MCF2L: variants seen among roughly 807,000 people sequenced by gnomAD.
MCF2L encodes the protein guanine nucleotide exchange factor DBS.
In MCF2L, 97 loss-of-function variants were observed where a neutral mutation model predicts 153.4. The ratio of observed to expected loss-of-function variants is 0.63; its 90% confidence interval spans 0.54 to 0.75. MCF2L has a LOEUF of 0.75. Among genes scored for constraint, MCF2L ranks in the 30% least tolerant of loss-of-function variants. MCF2L has a pLI of 0.00. For synonymous variants in MCF2L, 659 were observed against 632.2 expected (o/e 1.04, Z -0.64); for missense variants, 1,347 against 1,495.2 (o/e 0.90, Z 1.64).
At chr13:112,911,323 G>A (rs1472968980) in intron 2 of MCF2L, among the ~76,000 whole-genome samples, 4 of 152,224 alleles carry the variant, frequency 2.6e-5, no homozygotes, top group African/African-American at 4.8e-5. Context: ...GTCTACACAC[G>A]TAGCCTTGGG....
intron 1 of MCF2L, chr13:112,979,445 T>G (rs1594452970): frequency 7.1e-7 from 1 of 1,405,772 alleles, no homozygotes. Flanking sequence ...TCTGAGGAGG[T>G]GGCTCAGCCC....
intron 7 of MCF2L, 34 bp from the exon 8 acceptor site, chr13:113,066,012 G>C (rs771390520): frequency 1.9e-6 from 3 of 1,604,444 alleles, no homozygotes; most frequent in Non-Finnish European, 2.6e-6. Flanking sequence ...GTGCCTGGAC[G>C]GGGCCGGGAC....
At position 113,014,790 on chromosome 13, in the gene MCF2L, C is replaced by A. The variant is rs764620726; in HGVS notation, c.107C>A (p.Pro36Gln). The A allele has an allele frequency of 1.2e-6, 2 of 1,614,066 alleles. No individual in the cohort carries two copies. Among genetic ancestry groups the A allele is most frequent in the South Asian group, 2.2e-5 (2 of 91,076 alleles). ...TDEIMHQDIV[P>Q]LCAADIQDQL... ...GAAATCATGCACCAGGACATCGTCC[C>A]GCTCTGTGCTGCCGACATCCAGGAC... Residue 36 changes from proline to glutamine, a missense_variant, in exon 2 of 30, where the codon CCG (proline) becomes CAG (glutamine). By Grantham distance (76) the Pro-to-Gln change is moderately conservative (BLOSUM62 -1). Around this residue, in one of 3 missense-constraint regions of MCF2L, gnomAD observed 820 missense variants for 921.2 expected, o/e 0.89. Coordinates refer to ENST00000535094, the MANE Select transcript of MCF2L (RefSeq NM_001112732.3).
intron 3 of MCF2L, chr13:113,040,212 C>A (rs546230581): frequency 7.2e-5 from 11 of 152,296 alleles, no homozygotes; most frequent in African/African-American, 2.6e-4. Flanking sequence ...GGATGGGGCA[C>A]CCTGGACGGT....
At chr13:112,979,117 A>C (rs1305822610) in intron 1 of MCF2L, among the ~76,000 whole-genome samples, 1 of 152,224 alleles carries the variant, frequency 6.6e-6, no homozygotes, top group Admixed American at 6.5e-5. Context: ...TCGGCAGCAG[A>C]CGGGAGCCAC....
In MCF2L at chr13:113,096,838, C is replaced by T. The variant is rs2035712602; in HGVS notation, c.3357C>T (p.Pro1119=). ...GCTGCAGCGAGGGCGGCCAGGCCCC[C>T]TTCTCCGACCTGCAGGGGTAGCGCG... ...SSSCSEGGQA[P]FSDLQG Residue 1119 remains proline (P), a synonymous_variant, in exon 30 of 30, where the codon CCC becomes CCT. Transcript: ENST00000535094. 6.6e-7 allele frequency: 1 copy of T among 1,507,036 alleles called. No homozygotes were observed. 93.4% of individuals were successfully genotyped at this position (1,507,036 alleles called of 1,614,324 possible).
At position 112,945,566 on chromosome 13, in the gene MCF2L, A is replaced by G. The variant is rs150794745; in HGVS notation, c.169+43195A>G. Among the ~76,000 whole-genome samples, 7 of 152,356 alleles carry G rather than the reference A, an allele frequency of 4.6e-5. No individual in the cohort carries two copies. The East Asian group carries it at 1.3e-3, about 29-fold the overall frequency. On this transcript the variant is annotated intron_variant, in intron 2 of 29. Transcript: ENST00000375608. ...TTAAAGTAGTCACTGCTTTGCAGTGATGGCACCATTCTTCTGGGATGCCTT... is the reference window on the plus strand; with the variant it reads ...TTAAAGTAGTCACTGCTTTGCAGTGGTGGCACCATTCTTCTGGGATGCCTT...
At chr13:113,096,158 A>G in intron 27 of MCF2L, 1 of 596,162 alleles carries the variant, frequency 1.7e-6, no homozygotes, top group Non-Finnish European at 3.0e-6. Context: ...CTGGGCCCAA[A>G]GACAGATTCA....
At chr13:113,063,733 G>A in intron 5 of MCF2L, 1 of 416,342 alleles carries the variant, frequency 2.4e-6, no homozygotes, top group South Asian at 1.7e-5. Flanking sequence ...AGAGGTGCCG[G>A]GGCCACTGTT....
intron 1 of MCF2L, among the ~76,000 whole-genome samples, chr13:113,004,962 A>C (rs2083589808): frequency 6.6e-6 from 1 of 152,198 alleles, no homozygotes; most frequent in African/African-American, 2.4e-5. Flanking sequence ...CAAGTAATTG[A>C]AAAGAGCACT....
Position 113,064,121 on chromosome 13 carries a change from G to T in MCF2L, c.490-183G>T, listed in dbSNP as rs1370907848. On this transcript the variant is annotated intron_variant, in intron 5 of 29. Coordinates refer to ENST00000535094, the MANE Select transcript of MCF2L (RefSeq NM_001112732.3). The surrounding 1 kb of genome is among the most constrained non-coding windows in gnomAD (Gnocchi z 6.0). The stretch of plus-strand genomic sequence containing the variant: ...CCACGAGAGGAGGTGTCGGCGGGGC[G>T]CTGAGCTGCATCCCATCCGCACATC... Among the ~76,000 whole-genome samples, 1 of 152,132 alleles carries T rather than the reference G, an allele frequency of 6.6e-6. No individual in the cohort carries two copies. The highest frequency in any genetic ancestry group is 1.5e-5 in the Non-Finnish European group (1 of 68,016).
At chr13:112,934,919 G>A (rs2081500265) in intron 2 of MCF2L, among the ~76,000 whole-genome samples, 1 of 152,158 alleles carries the variant, frequency 6.6e-6, no homozygotes, top group African/African-American at 2.4e-5. Context: ...TTTGCTTCCT[G>A]GTCCTGGACA....
At chr13:113,062,698 C>T (rs2031710569) in intron 5 of MCF2L, among the ~76,000 whole-genome samples, 1 of 152,150 alleles carries the variant, frequency 6.6e-6, no homozygotes, top group Non-Finnish European at 1.5e-5. Context: ...TGTTTCAGTG[C>T]CGTGTGCTGG....
At position 113,096,577 on chromosome 13, in the gene MCF2L, G is replaced by A. The variant is rs1319571306; in HGVS notation, c.3216G>A (p.Lys1072=). The A allele has an allele frequency of 4.4e-6, 7 of 1,604,606 alleles. No homozygotes were observed. In the South Asian group the frequency reaches 6.6e-5, roughly 15 times the overall value. ...LWYVRDPTTG[K]EGWVPASSLS... ...ACGTCAGGGACCCGACCACTGGCAA[G>A]GAGGGCTGGGTGCCGGCCAGCAGCC... Residue 1072 remains lysine, a synonymous_variant, in exon 29 of 30, where the codon AAG becomes AAA. Transcript: ENST00000535094.
At chr13:113,065,929 G>T (rs1357319114) in intron 7 of MCF2L, 117 bp from the exon 8 acceptor site, 1 of 1,124,726 alleles carries the variant, frequency 8.9e-7, no homozygotes, top group African/African-American at 1.6e-5. Context: ...GGGGGTCGGG[G>T]ATTGACCCCT....
chr13:112,938,142 G>A (rs373951070), intron 2 of MCF2L, among the ~76,000 whole-genome samples: 2 of 135,776 alleles, frequency 1.5e-5, no homozygotes, highest in Admixed American at 1.5e-4. Flanking sequence ...GAGCGCTGAG[G>A]GGTTGGTTCA....
intron 8 of MCF2L, among the ~76,000 whole-genome samples, chr13:113,066,955 G>C (rs994567121): frequency 6.6e-6 from 1 of 152,238 alleles, no homozygotes; most frequent in African/African-American, 2.4e-5. Context: ...TCTCTGCCAG[G>C]GACATGCCAA....
intron 27 of MCF2L, chr13:113,095,011 T>G: frequency 7.3e-7 from 1 of 1,375,190 alleles, no homozygotes; most frequent in Non-Finnish European, 9.7e-7. Context: ...TGGGTGCACC[T>G]TCCTCAGAGG....
intron 1 of MCF2L, among the ~76,000 whole-genome samples, chr13:112,898,342 G>A (rs1025298135): frequency 6.6e-6 from 1 of 152,192 alleles, no homozygotes; most frequent in Non-Finnish European, 1.5e-5. Flanking sequence ...AGCTGGTTGC[G>A]GGGCGTGAGG....
Sources: gnomAD v4.1 joint callset for allele counts (sites outside exome capture counted in the v4.1 genomes callset) on GRCh38, gnomAD v4.1.1 for gene constraint, gnomAD v4.1.1 regional missense constraint, Gnocchi (gnomAD v3.1) non-coding constraint, MANE v1.5 for transcripts, NCBI Gene and HGNC (gene_info 2026-07-23, HGNC 2026-07-21) for gene names.